Variants in ASCC3 observed in about 807,000 individuals in gnomAD.
ASCC3 encodes activating signal cointegrator 1 complex subunit 3, also known as ASC-1 complex subunit P200.
Under a neutral mutation model 256.3 loss-of-function variants are expected in ASCC3, and 158 were observed. The observed-to-expected ratio is 0.62, with a 90% CI of 0.54 to 0.70. The LOEUF is 0.70. ASCC3 is among the 30% of genes least tolerant of loss of function. The pLI, the probability that ASCC3 is intolerant of heterozygous loss-of-function variation, is 0.00. For synonymous variants in ASCC3, 948 were observed against 883.4 expected (o/e 1.07, Z -1.30); for missense variants, 2,259 against 2,626.0 (o/e 0.86, Z 3.05).
chr6:100,800,339 CCTT>C lies in ASCC3; in HGVS notation c.1085_1087del (p.Glu362del). The C allele has an allele frequency of 6.2e-7, 1 of 1,612,916 alleles. No individual in the cohort carries two copies. Among genetic ancestry groups the C allele is most frequent in the Non-Finnish European group, 8.5e-7 (1 of 1,179,282 alleles). ...TTCCTTAGGATCAAAGCACATAAGTCCTTCTGAAACTTCTAAATCTTCTCCAGC... is the reference window on the plus strand; with the variant it reads ...TTCCTTAGGATCAAAGCACATAAGTCCTGAAACTTCTAAATCTTCTCCAGC... On this transcript the variant is annotated inframe_deletion, in exon 6 of 42. Transcript: ENST00000369162.
At chr6:100,815,256 A>G (rs964349825) in intron 4 of ASCC3, among the ~76,000 whole-genome samples, 1 of 152,196 alleles carries the variant, frequency 6.6e-6, no homozygotes, top group Non-Finnish European at 1.5e-5. Context: ...CTGCTCAAAT[A>G]AATCAGAGAT....
At chr6:100,846,350 T>G (rs1215525803) in intron 4 of ASCC3, among the ~76,000 whole-genome samples, 1 of 152,220 alleles carries the variant, frequency 6.6e-6, no homozygotes, top group African/African-American at 2.4e-5. Context: ...GAACAAAAAT[T>G]ATGACAATGA....
intron 37 of ASCC3, among the ~76,000 whole-genome samples, chr6:100,523,512 AG>A (rs1774408723): frequency 6.6e-6 from 1 of 152,174 alleles, no homozygotes; most frequent in Non-Finnish European, 1.5e-5. Flanking sequence ...CATAGAAAAG[AG>A]GGGCTTCCGC....
chr6:100,546,210 T>C (rs976195633), intron 36 of ASCC3, among the ~76,000 whole-genome samples: 1 of 152,080 alleles, frequency 6.6e-6, no homozygotes, highest in African/African-American at 2.4e-5. Context: ...ACCTGGATAT[T>C]GAAAACAAAA....
At chr6:100,660,705 A>G (rs550258213) in intron 16 of ASCC3, among the ~76,000 whole-genome samples, 1 of 151,702 alleles carries the variant, frequency 6.6e-6, no homozygotes, top group East Asian at 1.9e-4. Context: ...ACTCTAACTC[A>G]CTTCACCTAA....
At chr6:100,742,692 C>T (rs1582794382) in intron 10 of ASCC3, among the ~76,000 whole-genome samples, 1 of 152,310 alleles carries the variant, frequency 6.6e-6, no homozygotes, top group East Asian at 1.9e-4. Flanking sequence ...GACCTTTCTT[C>T]ATCTAGACCA....
intron 10 of ASCC3, among the ~76,000 whole-genome samples, chr6:100,731,714 A>T (rs1479728871): frequency 6.6e-6 from 1 of 152,196 alleles, no homozygotes; most frequent in Non-Finnish European, 1.5e-5. Context: ...GTGTTTTTCA[A>T]ATCGGACTGG....
intron 36 of ASCC3, among the ~76,000 whole-genome samples, chr6:100,549,883 C>T (rs1769202083): frequency 6.6e-6 from 1 of 151,870 alleles, no homozygotes. Context: ...GGCATTTGTT[C>T]TAGGCTTAGA....
intron 3 of ASCC3, chr6:100,859,332 A>T: frequency 2.7e-6 from 2 of 729,746 alleles, no homozygotes; most frequent in Middle Eastern, 2.3e-4. Flanking sequence ...TGTATTTTGC[A>T]GTTTTTCTAG....
intron 10 of ASCC3, among the ~76,000 whole-genome samples, chr6:100,750,690 TG>T (rs1780897644): frequency 6.6e-6 from 1 of 152,072 alleles, no homozygotes; most frequent in African/African-American, 2.4e-5. Flanking sequence ...TCTGCATCTG[TG>T]GCACTGAATA....
At position 100,627,616 on chromosome 6, in the gene ASCC3, G is replaced by C; in HGVS notation, c.4616C>G (p.Ala1539Gly). The C allele has an allele frequency of 6.2e-7, 1 of 1,613,440 alleles. No homozygotes were observed. Among genetic ancestry groups the C allele is most frequent in the Non-Finnish European group, 8.5e-7 (1 of 1,179,662 alleles). ...CTGAAATGCAGGCTTGTTCATACTA[G>C]CCATACGAGGACAGTAATGTTGACC... ...FPGQHYCPRMASMNKPAFQAI... is the reference protein window; with the variant it reads ...FPGQHYCPRMGSMNKPAFQAI... Residue 1539 changes from alanine to glycine, a missense_variant, in exon 29 of 42, where the codon GCT becomes GGT. Transcript: ENST00000369162.
At chr6:100,627,479 G>A (rs1582589858) in intron 29 of ASCC3, 111 bp downstream of exon 29, 10 of 1,386,840 alleles carry the variant, frequency 7.2e-6, no homozygotes, top group East Asian at 7.0e-5. Flanking sequence ...TTAGATATAC[G>A]TAGAAGCTGG....
intron 24 of ASCC3, among the ~76,000 whole-genome samples, chr6:100,641,025 C>T (rs929298375): frequency 6.6e-6 from 1 of 151,698 alleles, no homozygotes; most frequent in Non-Finnish European, 1.5e-5. Flanking sequence ...AAATTAAGGC[C>T]CTCTTAAAAT....
intron 8 of ASCC3, among the ~76,000 whole-genome samples, chr6:100,793,565 T>A (rs548586986): frequency 1.2e-3 from 190 of 152,050 alleles, no homozygotes; most frequent in African/African-American, 4.5e-3. Flanking sequence ...TTTTTTTTAA[T>A]TTACAGACAT....
At chr6:100,657,157 T>G (rs1775953719) in intron 16 of ASCC3, among the ~76,000 whole-genome samples, 1 of 151,354 alleles carries the variant, frequency 6.6e-6, no homozygotes, top group Non-Finnish European at 1.5e-5. Flanking sequence ...TATTATGATA[T>G]ACTATTTGTT....
chr6:100,679,175 G>T (rs80288880), intron 14 of ASCC3, among the ~76,000 whole-genome samples: 6,355 of 146,486 alleles, frequency 0.043, 239 homozygotes, highest in East Asian at 0.19. Context: ...ACAAGCTGTT[G>T]ACAAACTTTT....
At chr6:100,532,410 T>TATATATATATATATA (rs1774959100) in intron 37 of ASCC3, among the ~76,000 whole-genome samples, 1 of 63,324 alleles carries the variant, frequency 1.6e-5, no homozygotes, top group Admixed American at 1.6e-4. Context: ...ATATATATTT[T>TATATATATATATATA]TTTTTTTTTT....
At chr6:100,528,791 T>G (rs769052756) in intron 37 of ASCC3, among the ~76,000 whole-genome samples, 1 of 152,156 alleles carries the variant, frequency 6.6e-6, no homozygotes, top group Non-Finnish European at 1.5e-5. Context: ...CTGAATCACC[T>G]AGAATACTTT....
At chr6:100,562,315 A>G (rs914736333) in intron 36 of ASCC3, among the ~76,000 whole-genome samples, 6 of 152,100 alleles carry the variant, frequency 3.9e-5, no homozygotes, top group African/African-American at 1.4e-4. Context: ...TGGGTTTAGA[A>G]ATCAAAAGGT....
Sources: gnomAD v4.1 joint callset for allele counts (sites outside exome capture counted in the v4.1 genomes callset) on GRCh38, gnomAD v4.1.1 for gene constraint, MANE v1.5 for transcripts, NCBI Gene and HGNC (gene_info 2026-07-23, HGNC 2026-07-21) for gene names.